Variants in FAM120A observed in about 807,000 individuals in gnomAD.
FAM120A encodes constitutive coactivator of PPAR-gamma-like protein 1.
In FAM120A, 15 loss-of-function variants were observed where a neutral mutation model predicts 109.7. That is an observed-to-expected ratio of 0.14 (90% confidence interval 0.09 to 0.21). The LOEUF is 0.21. Ranked by LOEUF, FAM120A falls within the 10% of genes least tolerant of loss-of-function variation. The pLI, the probability that FAM120A is intolerant of heterozygous loss-of-function variation, is 1.00. For synonymous variants in FAM120A, 493 were observed against 572.8 expected, an observed-to-expected ratio of 0.86 and a Z score of 1.99; for missense variants, 899 against 1,439.3, an observed-to-expected ratio of 0.62 and a Z score of 6.07.
chr9:93,482,700 A>T (rs1858873194), intron 3 of FAM120A, among the ~76,000 whole-genome samples: 1 of 152,020 alleles, frequency 6.6e-6, no homozygotes, highest in Non-Finnish European at 1.5e-5. Context: ...TATCGCAGGG[A>T]CTGTGTCACC....
chr9:93,546,778 C>G (rs1298666992), intron 11 of FAM120A, among the ~76,000 whole-genome samples: 1 of 152,222 alleles, frequency 6.6e-6, no homozygotes, highest in Non-Finnish European at 1.5e-5. Flanking sequence ...TTTACAAACA[C>G]AGGTAGCCAG....
intron 3 of FAM120A, among the ~76,000 whole-genome samples, chr9:93,482,107 A>G (rs141608886): frequency 9.9e-5 from 15 of 151,104 alleles, no homozygotes; most frequent in Non-Finnish European, 8.8e-5. Context: ...TTTTACCAGC[A>G]TTATCTTTCC....
intron 1 of FAM120A, among the ~76,000 whole-genome samples, chr9:93,466,827 T>A (rs1858043393): frequency 6.6e-6 from 1 of 152,192 alleles, no homozygotes; most frequent in Non-Finnish European, 1.5e-5. Flanking sequence ...TTATTTGTAG[T>A]TTCTTTCTCT....
intron 5 of FAM120A, among the ~76,000 whole-genome samples, chr9:93,511,950 C>A (rs1185981921): frequency 6.6e-6 from 1 of 152,190 alleles, no homozygotes; most frequent in East Asian, 1.9e-4. Context: ...TGCCACCATG[C>A]CTGGCTAATT....
At chr9:93,491,461 G>A (rs911408821) in intron 3 of FAM120A, among the ~76,000 whole-genome samples, 1 of 152,192 alleles carries the variant, frequency 6.6e-6, no homozygotes, top group African/African-American at 2.4e-5. Flanking sequence ...AAATGATGAG[G>A]AGATTTGGGG....
At chr9:93,548,480 AAGG>A (rs1468026462) in intron 11 of FAM120A, among the ~76,000 whole-genome samples, 2 of 152,132 alleles carry the variant, frequency 1.3e-5, no homozygotes, top group Non-Finnish European at 2.9e-5. Context: ...GGGAAGATGA[AAGG>A]AGTTCTGTGG....
chr9:93,460,909 T>G (rs559749066), intron 1 of FAM120A, among the ~76,000 whole-genome samples: 1 of 152,330 alleles, frequency 6.6e-6, no homozygotes, highest in East Asian at 1.9e-4. Context: ...CCTTTTATGC[T>G]TCTTAACTTA....
chr9:93,475,183 C>T (rs1159923124), intron 2 of FAM120A, among the ~76,000 whole-genome samples: 1 of 152,162 alleles, frequency 6.6e-6, no homozygotes. Flanking sequence ...ACCTTATACA[C>T]ATAGTTTAAA....
intron 5 of FAM120A, among the ~76,000 whole-genome samples, chr9:93,514,336 T>C (rs1209470322): frequency 6.6e-6 from 1 of 152,186 alleles, no homozygotes; most frequent in Non-Finnish European, 1.5e-5. Context: ...GAGATTTGGG[T>C]GGGGATGTGC....
chr9:93,563,754 C>T (rs1340202161), intron 17 of FAM120A, among the ~76,000 whole-genome samples: 3 of 152,186 alleles, frequency 2.0e-5, no homozygotes, highest in South Asian at 2.1e-4. Flanking sequence ...TTCACAAACA[C>T]GTGGCAATTA....
At chr9:93,526,466 A>C (rs1389867575) in intron 7 of FAM120A, among the ~76,000 whole-genome samples, 1 of 152,108 alleles carries the variant, frequency 6.6e-6, no homozygotes, top group Non-Finnish European at 1.5e-5. Context: ...CTCATTCTGT[A>C]ATTTGAGATG....
intron 17 of FAM120A, among the ~76,000 whole-genome samples, chr9:93,563,845 T>G (rs10821160): frequency 6.6e-6 from 1 of 152,134 alleles, no homozygotes; most frequent in Non-Finnish European, 1.5e-5. Flanking sequence ...CTGCTGCACA[T>G]CACAGGCAGA....
rs1205468467 is a variant in FAM120A at position 93,455,568 on chromosome 9, T to A, written c.474+3179T>A. Among the ~76,000 whole-genome samples the A allele has an allele frequency of 2.6e-5, 4 of 152,182 alleles. 1 individual carries two copies. Among genetic ancestry groups the A allele is most frequent in the Admixed American group, 2.6e-4 (4 of 15,280 alleles). ...TTCAGTATATATAATGTTGAGTAAA[T>A]GAGACATTTATAAAAACTTTAAGCA... On this transcript the variant is annotated intron_variant, in intron 1 of 17. Transcript: ENST00000277165.
In FAM120A at chr9:93,561,106, C is replaced by T; in HGVS notation, c.2807-3C>T. The T allele has an allele frequency of 6.2e-7, 1 of 1,612,272 alleles. No individual in the cohort carries two copies. The highest frequency in any genetic ancestry group is 1.3e-5 in the African/African-American group (1 of 74,900). On this transcript the variant is annotated splice_region_variant and splice_polypyrimidine_tract_variant and intron_variant, in intron 15 of 17. Transcript: ENST00000277165. ...TTTGTCTTTTTGTATATTTTTTATG[C>T]AGGAGTCCAACCTATACCTTCTCAG...
intron 3 of FAM120A, among the ~76,000 whole-genome samples, chr9:93,482,738 C>G (rs189366871): frequency 1.3e-5 from 2 of 152,196 alleles, no homozygotes; most frequent in Admixed American, 1.3e-4. Flanking sequence ...CAGCAGACCC[C>G]ACAGTGGGCC....
intron 12 of FAM120A, 137 bp from the exon 13 acceptor site, chr9:93,556,245 G>A (rs956503896): frequency 9.2e-6 from 6 of 650,916 alleles, no homozygotes; most frequent in East Asian, 5.4e-5. Flanking sequence ...GTCAATATAA[G>A]GTAATGGTAG....
rs751515563 is a variant in FAM120A, at chr9:93,452,349, C to T, written c.434C>T (p.Ala145Val). The change falls in exon 1 of 18, where the codon GCC (alanine) becomes GTC (valine). Residue 145 changes from alanine to valine, a missense_variant. Transcript: ENST00000277165. The surrounding 1 kb of genome is among the most constrained non-coding windows in gnomAD (Gnocchi z 7.0). ...KVWFLPPVCM[A>V]HCIRLALIRF... ...TGGTTCCTGCCGCCCGTCTGCATGG[C>T]CCACTGCATCCGCCTGGCGCTCATC... The T allele has an allele frequency of 1.9e-6, 3 of 1,612,404 alleles. No individual in the cohort carries two copies. Among genetic ancestry groups the T allele is most frequent in the East Asian group, 4.5e-5 (2 of 44,858 alleles).
At chr9:93,558,321 C>A (rs563042419) in intron 14 of FAM120A, among the ~76,000 whole-genome samples, 1 of 152,366 alleles carries the variant, frequency 6.6e-6, no homozygotes, top group South Asian at 2.1e-4. Context: ...TCAGAGAGAG[C>A]CATCTTCCAG....
chr9:93,547,974 G>C (rs1036697940), intron 11 of FAM120A, among the ~76,000 whole-genome samples: 1 of 152,160 alleles, frequency 6.6e-6, no homozygotes, highest in Non-Finnish European at 1.5e-5. Context: ...GGAGGAAATA[G>C]CAGATAGTCT....
Sources: gnomAD v4.1 joint callset for allele counts (sites outside exome capture counted in the v4.1 genomes callset) on GRCh38, gnomAD v4.1.1 for gene constraint, Gnocchi (gnomAD v3.1) non-coding constraint, MANE v1.5 for transcripts, NCBI Gene and HGNC (gene_info 2026-07-23, HGNC 2026-07-21) for gene names.